MRTFA: variants seen among roughly 807,000 people sequenced by gnomAD.
The protein encoded by MRTFA is myocardin related transcription factor A.
Under a neutral mutation model 83.5 loss-of-function variants are expected in MRTFA, and 20 were observed. That is an observed-to-expected ratio of 0.24 (90% confidence interval 0.17 to 0.35). The LOEUF is 0.35. MRTFA is among the 10% of genes least tolerant of loss of function. The pLI is 1.00. For synonymous variants in MRTFA, 659 were observed against 541.2 expected (o/e 1.22, Z -3.02); for missense variants, 1,200 against 1,224.7 (o/e 0.98, Z 0.30).
At chr22:40,484,896 C>A (rs1256455904) in intron 3 of MRTFA, among the ~76,000 whole-genome samples, 1 of 151,462 alleles carries the variant, frequency 6.6e-6, no homozygotes, top group African/African-American at 2.4e-5. Flanking sequence ...CATGGTGAAA[C>A]CCCGTCTCTA....
At chr22:40,492,968 G>A (rs1048305239) in intron 3 of MRTFA, among the ~76,000 whole-genome samples, 1 of 152,176 alleles carries the variant, frequency 6.6e-6, no homozygotes, top group Non-Finnish European at 1.5e-5. Flanking sequence ...GACAATATAG[G>A]CTCTTAAGAT....
chr22:40,584,434 T>C (rs1258124857), intron 2 of MRTFA, among the ~76,000 whole-genome samples: 1 of 152,192 alleles, frequency 6.6e-6, no homozygotes, highest in Non-Finnish European at 1.5e-5. Context: ...CGTTATCTTG[T>C]CTTTCAAAAT....
chr22:40,593,487 C>G (rs899442915), intron 2 of MRTFA, among the ~76,000 whole-genome samples: 5 of 152,046 alleles, frequency 3.3e-5, no homozygotes, highest in Admixed American at 2.0e-4. Context: ...GTTTATTACC[C>G]CAATATAAAA....
At chr22:40,564,635 CTTTAT>C (rs1045748732) in intron 2 of MRTFA, among the ~76,000 whole-genome samples, 8 of 152,046 alleles carry the variant, frequency 5.3e-5, no homozygotes, top group African/African-American at 1.4e-4. Context: ...AATGCTGTAA[CTTTAT>C]TTTATTATTA....
intron 3 of MRTFA, among the ~76,000 whole-genome samples, chr22:40,531,168 A>G (rs986134290): frequency 4.0e-5 from 6 of 151,234 alleles, no homozygotes; most frequent in African/African-American, 1.5e-4. Flanking sequence ...GCATGATCAT[A>G]GCTTGTTGCA....
At chr22:40,605,322 A>T (rs926020649) in intron 1 of MRTFA, among the ~76,000 whole-genome samples, 1 of 152,226 alleles carries the variant, frequency 6.6e-6, no homozygotes, top group Non-Finnish European at 1.5e-5. Context: ...CAAGTTATAA[A>T]ACCAGCAAAG....
chr22:40,463,259 C>A lies in MRTFA; in HGVS notation c.269G>T (p.Arg90Leu). The A allele has an allele frequency of 6.2e-7, 1 of 1,614,016 alleles. No individual in the cohort carries two copies. Among genetic ancestry groups the A allele is most frequent in the Non-Finnish European group, 8.5e-7 (1 of 1,179,976 alleles). The change falls in exon 4 of 15, where the codon CGG (arginine) becomes CTG (leucine). Residue 90 changes from arginine to leucine, a missense_variant. Physicochemically the swap from Arg to Leu is moderately radical, Grantham distance 102 (BLOSUM62 -2). Coordinates refer to ENST00000355630, the MANE Select transcript of MRTFA (RefSeq NM_020831.6). ...TTGGCTCACCAGTTCTTCCCGGGTCCGGCGCTGCTGGAGTTTCAACTGTAG... is the reference window on the plus strand; with the variant it reads ...TTGGCTCACCAGTTCTTCCCGGGTCAGGCGCTGCTGGAGTTTCAACTGTAG...
At chr22:40,466,049 T>C (rs1050905526) in intron 3 of MRTFA, among the ~76,000 whole-genome samples, 2 of 152,128 alleles carry the variant, frequency 1.3e-5, no homozygotes, top group Non-Finnish European at 2.9e-5. Context: ...TGCTCTACTG[T>C]GATAACAGGA....
chr22:40,575,856 A>C (rs2052110905), intron 2 of MRTFA, among the ~76,000 whole-genome samples: 1 of 152,156 alleles, frequency 6.6e-6, no homozygotes, highest in African/African-American at 2.4e-5. Flanking sequence ...AACAACTCTC[A>C]CAAGTTAACT....
chr22:40,461,404 G>C (rs1213608313), intron 4 of MRTFA, among the ~76,000 whole-genome samples: 2 of 151,684 alleles, frequency 1.3e-5, no homozygotes, highest in African/African-American at 4.8e-5. Flanking sequence ...AGTAGTCCCT[G>C]CCACTAAGGA....
At chr22:40,430,432 G>A (rs541889908) in intron 6 of MRTFA, among the ~76,000 whole-genome samples, 45 of 152,032 alleles carry the variant, frequency 3.0e-4, no homozygotes, top group Non-Finnish European at 1.8e-4. Flanking sequence ...AGGCTGCAGT[G>A]AGCCGAGACT....
intron 4 of MRTFA, among the ~76,000 whole-genome samples, chr22:40,451,171 G>A (rs1296088859): frequency 6.6e-6 from 1 of 152,166 alleles, no homozygotes; most frequent in Non-Finnish European, 1.5e-5. Flanking sequence ...GACCGGGCTT[G>A]ACTTCCATTT....
At chr22:40,591,416 C>G (rs1218079029) in intron 2 of MRTFA, among the ~76,000 whole-genome samples, 1 of 151,996 alleles carries the variant, frequency 6.6e-6, no homozygotes, top group Non-Finnish European at 1.5e-5. Flanking sequence ...TATGTTTGAC[C>G]AGTAATAAGA....
At position 40,420,561 on chromosome 22, in the gene MRTFA, G is replaced by C; in HGVS notation, c.1197C>G (p.Ala399=). The C allele has an allele frequency of 6.2e-7, 1 of 1,613,356 alleles. No homozygotes were observed. The highest frequency in any genetic ancestry group is 8.5e-7 in the Non-Finnish European group (1 of 1,179,934). The change falls in exon 11 of 15, where the codon GCC becomes GCG. Residue 399 remains alanine, a synonymous_variant. Coordinates refer to ENST00000355630, the MANE Select transcript of MRTFA (RefSeq NM_020831.6). ...CTGGGGGGGTCCCGCTGCTTCCCAG[G>C]GCCTCGCCTGCTGACCTGGGAAGAA... is the stretch of plus-strand genomic sequence containing the variant.
In MRTFA at chr22:40,420,527, G is replaced by C. The variant is rs767060309; in HGVS notation, c.1231C>G (p.Leu411Val). ...CTGGAGCTGCTATTGGTAGTGGAGA[G>C]GCTGCGTACTGGGGGGGTCCCGCTG... Residue 411 changes from leucine to valine, a missense_variant, in exon 11 of 15, where the codon CTC (leucine) becomes GTC (valine). By Grantham distance (32) the Leu-to-Val change is conservative. Around this residue, in one of 2 missense-constraint regions of MRTFA, gnomAD observed 1,107 missense variants for 1,041.8 expected, o/e 1.06. Coordinates refer to ENST00000355630, the MANE Select transcript of MRTFA (RefSeq NM_020831.6). 13 of 1,613,676 alleles carry C rather than the reference G, an allele frequency of 8.1e-6. No individual in the cohort carries two copies. The Admixed American group carries it at 2.0e-4, about 25-fold the overall frequency.
At position 40,495,198 on chromosome 22, in the gene MRTFA, A is replaced by AC. The variant is rs1344999571; in HGVS notation, c.242-31913dup. 2.0e-5 allele frequency among the ~76,000 whole-genome samples: 3 copies of AC among 151,576 alleles called. No homozygotes were observed. In the East Asian group the frequency reaches 5.8e-4, roughly 29 times the overall value. On this transcript the variant is annotated intron_variant, in intron 3 of 14. Coordinates refer to ENST00000355630, the MANE Select transcript of MRTFA (RefSeq NM_020831.6). ...AGACCAGCCTGGGCAATACAGTGAG[A>AC]CCCCGTCTCTACTAAAAATAAAAAT...
At chr22:40,629,415 C>T (rs1389064921) in intron 1 of MRTFA, among the ~76,000 whole-genome samples, 3 of 150,382 alleles carry the variant, frequency 2.0e-5, no homozygotes, top group Admixed American at 6.7e-5. Flanking sequence ...CACTGCACTC[C>T]AGCCTGGTCA....
At chr22:40,560,981 C>T (rs190964971) in intron 2 of MRTFA, among the ~76,000 whole-genome samples, 4 of 152,238 alleles carry the variant, frequency 2.6e-5, no homozygotes, top group Admixed American at 2.0e-4. Flanking sequence ...TGGTTCTATG[C>T]GACCAAATGG....
chr22:40,597,071 T>C (rs2056202233), intron 1 of MRTFA, among the ~76,000 whole-genome samples: 1 of 152,196 alleles, frequency 6.6e-6, no homozygotes, highest in Non-Finnish European at 1.5e-5. Context: ...GTTAAAACAT[T>C]TGGTTGTCCC....
Sources: gnomAD v4.1 joint callset for allele counts (sites outside exome capture counted in the v4.1 genomes callset) on GRCh38, gnomAD v4.1.1 for gene constraint, gnomAD v4.1.1 regional missense constraint, MANE v1.5 for transcripts, NCBI Gene and HGNC (gene_info 2026-07-23, HGNC 2026-07-21) for gene names.